Variants in KCNH2 observed in about 807,000 individuals in gnomAD.
KCNH2 encodes potassium voltage-gated channel subfamily H member 2.
Under a neutral mutation model 95.9 loss-of-function variants are expected in KCNH2, and 35 were observed. The ratio of observed to expected loss-of-function variants is 0.37; its 90% confidence interval spans 0.28 to 0.48. The LOEUF is 0.48. KCNH2 is among the 20% of genes least tolerant of loss of function. KCNH2 has a pLI of 0.99. For missense variants in KCNH2, 1,274 were observed against 1,702.9 expected, an observed-to-expected ratio of 0.75 and a Z score of 4.43; for synonymous variants, 786 against 754.7, an observed-to-expected ratio of 1.04 and a Z score of -0.68.
At position 150,955,879 on chromosome 7, in the gene KCNH2, GCCCC is replaced by G. The variant is rs1801359329; in HGVS notation, c.1128+1408_1128+1411del. 3 of 869,928 alleles carry G rather than the reference GCCCC, an allele frequency of 3.4e-6. No homozygotes were observed. In the African/African-American group the frequency reaches 1.2e-4, roughly 36 times the overall value. 53.9% of individuals were successfully genotyped at this position (869,928 alleles called of 1,614,324 possible). On this transcript the variant is annotated intron_variant, in intron 5 of 14. Coordinates refer to ENST00000262186, the MANE Select transcript of KCNH2 (RefSeq NM_000238.4). ...CCACCCCGCCACACTAGGCTCCCCC[GCCCC>G]GCCGGTGCCCAGCCAGCGGCCCCCT...
At chr7:150,969,627 A>C (rs574162231) in intron 2 of KCNH2, among the ~76,000 whole-genome samples, 1 of 152,174 alleles carries the variant, frequency 6.6e-6, no homozygotes, top group Admixed American at 6.5e-5. Context: ...TGCCCACCCC[A>C]TTCATTCATT....
rs1042514657 is a variant in KCNH2 at position 150,945,170 on chromosome 7, G to GCCCTGC, written c.*189_*194dup. The GCCCTGC allele has an allele frequency of 1.9e-5, 12 of 643,948 alleles. No homozygotes were observed. In the African/African-American group the frequency reaches 2.0e-4, roughly 11 times the overall value. The allele number at this position is 643,948 out of a possible 1,614,324, so 39.9% of individuals were successfully genotyped here. On this transcript the variant is annotated 3_prime_UTR_variant, in exon 15 of 15. Transcript: ENST00000262186. This position sits in a 1 kb window ranked among gnomAD's most constrained non-coding sequence, Gnocchi z 5.6. ...GGACCACAGGCCCCACCTACTGCCG[G>GCCCTGC]CCCTGCCCCTGCCCCTCTCACTGGG...
chr7:150,961,543 G>C lies in KCNH2; in HGVS notation c.308-1807C>G, dbSNP rs1332959714. Among the ~76,000 whole-genome samples the C allele has an allele frequency of 6.6e-6, 1 of 151,978 alleles. No homozygotes were observed. The highest frequency in any genetic ancestry group is 1.5e-5 in the Non-Finnish European group (1 of 67,996). On this transcript the variant is annotated intron_variant, in intron 2 of 14. Transcript: ENST00000262186. This position sits in a 1 kb window ranked among gnomAD's most constrained non-coding sequence, Gnocchi z 6.2. ...TCAAACTCCTGGCCTCAAGTGATCTGCCTGCCTCGGCCTCCCAAAGTGCAA... is the reference window on the plus strand; with the variant it reads ...TCAAACTCCTGGCCTCAAGTGATCTCCCTGCCTCGGCCTCCCAAAGTGCAA...
rs1563177140 is a variant in KCNH2, at chr7:150,962,985, G to A, written c.308-3249C>T. On this transcript the variant is annotated intron_variant, in intron 2 of 14. Transcript: ENST00000262186. The surrounding 1 kb of genome is among the most constrained non-coding windows in gnomAD (Gnocchi z 5.7). ...ACCACTGGCTGGGTTATGGGGGGAT[G>A]GGAGTCCCTTCACTTGCCCCAGTGC... Among the ~76,000 whole-genome samples the A allele has an allele frequency of 6.6e-6, 1 of 152,188 alleles. No homozygotes were observed.
At chr7:150,970,595 C>T (rs575974241) in intron 2 of KCNH2, among the ~76,000 whole-genome samples, 40 of 152,300 alleles carry the variant, frequency 2.6e-4, no homozygotes, top group African/African-American at 9.6e-4. Flanking sequence ...CTCCAACAGG[C>T]CTCTGATCCA....
In KCNH2 at chr7:150,952,344, C is replaced by A. The variant is rs1801205993; in HGVS notation, c.1557+81G>T. 3.7e-6 allele frequency: 5 copies of A among 1,368,976 alleles called. No individual in the cohort carries two copies. The South Asian group carries it at 6.1e-5, about 17-fold the overall frequency. 84.8% of individuals were successfully genotyped at this position (1,368,976 alleles called of 1,614,324 possible). ...TCTCTCTTTTTCTCTGTCCTCCTCG[C>A]CACCCCCTCCACCCCACTACCTCCC... On this transcript the variant is annotated intron_variant, in intron 6 of 14. Coordinates refer to ENST00000262186, the MANE Select transcript of KCNH2 (RefSeq NM_000238.4). This position sits in a 1 kb window ranked among gnomAD's most constrained non-coding sequence, Gnocchi z 7.3.
Position 150,949,119 on chromosome 7 carries a change from C to T in KCNH2, c.2399-70G>A, listed in dbSNP as rs530479329. 555 of 1,420,734 alleles carry T rather than the reference C, an allele frequency of 3.9e-4. 2 individuals are homozygous for T. In the South Asian group the frequency reaches 5.5e-3, roughly 14 times the overall value. The allele number at this position is 1,420,734 out of a possible 1,614,324, so 88.0% of individuals were successfully genotyped here. A position where few individuals can be genotyped will look rare whatever the true frequency, so the allele number is the denominator to read the frequency against. Reference sequence around the variant, plus strand: ...CATCCAGGCAGCAGGCACCTTCTCCCGGCATCCCCACCCCGGGCAGAGCAT... The same window carrying T: ...CATCCAGGCAGCAGGCACCTTCTCCTGGCATCCCCACCCCGGGCAGAGCAT... On this transcript the variant is annotated intron_variant, in intron 9 of 14. Transcript: ENST00000262186.
At chr7:150,951,280 A>G (rs1001618150) in intron 7 of KCNH2, 160 bp from the exon 8 acceptor site, 1 of 1,038,432 alleles carries the variant, frequency 9.6e-7, no homozygotes, top group Non-Finnish European at 1.4e-6. Context: ...CCCACCCTTC[A>G]GTAGTCCCCG....
rs1468357994 is a variant in KCNH2, at chr7:150,952,902, C to T, written c.1129-49G>A. 4.4e-6 allele frequency: 7 copies of T among 1,578,676 alleles called. No individual in the cohort carries two copies. Among genetic ancestry groups the T allele is most frequent in the South Asian group, 4.4e-5 (4 of 90,260 alleles). ...GTGGGTGAGGCAGGCCATGGGACCT[C>T]GGGGGCAGGAGCGATGACATCTCTG... On this transcript the variant is annotated intron_variant, in intron 5 of 14. Coordinates refer to ENST00000262186, the MANE Select transcript of KCNH2 (RefSeq NM_000238.4). This position sits in a 1 kb window ranked among gnomAD's most constrained non-coding sequence, Gnocchi z 7.3.
chr7:150,947,160 C>T (rs1409620109), intron 13 of KCNH2, 106 bp from the exon 14 acceptor site: 1 of 1,130,246 alleles, frequency 8.8e-7, no homozygotes, highest in African/African-American at 1.5e-5. Flanking sequence ...CCTGTCAACC[C>T]AGGCCCTCCG....
At chr7:150,948,417 C>CCCCCCAACAA in intron 11 of KCNH2, 27 bp downstream of exon 11, 3 of 1,038,862 alleles carry the variant, frequency 2.9e-6, no homozygotes, top group Non-Finnish European at 4.4e-6. Flanking sequence ...TCCCCGCCCT[C>CCCCCCAACAA]CCCCTTCCTC....
At chr7:150,950,521 C>A in intron 8 of KCNH2, 101 bp from the exon 9 acceptor site, 1 of 1,455,938 alleles carries the variant, frequency 6.9e-7, no homozygotes, top group South Asian at 1.3e-5. Context: ...GAAATCTCAA[C>A]CTCCAGGCCT....
intron 2 of KCNH2, among the ~76,000 whole-genome samples, chr7:150,974,433 A>G (rs1801915734): frequency 6.6e-6 from 1 of 151,676 alleles, no homozygotes; most frequent in South Asian, 2.1e-4. Flanking sequence ...CTGCCCAGGG[A>G]AAAAAAGGAC....
Position 150,945,446 on chromosome 7 carries a change from T to C in KCNH2, c.3399A>G (p.Thr1133=), listed in dbSNP as rs746102465. The C allele has an allele frequency of 5.7e-6, 9 of 1,565,904 alleles. No individual in the cohort carries two copies. In the Middle Eastern group the frequency reaches 5.0e-4, roughly 87 times the overall value. ...GAPELPQEGP[T]RRLSLPGQLG... is the part of the protein sequence containing the mutation. Reference sequence around the variant, plus strand: ...GCTGGCCCGGTAGGGAGAGGCGTCGTGTGGGGCCTTCTTGGGGAAGCTCTG... The same window carrying C: ...GCTGGCCCGGTAGGGAGAGGCGTCGCGTGGGGCCTTCTTGGGGAAGCTCTG... The change falls in exon 15 of 15, where the codon ACA becomes ACG. Residue 1133 remains threonine, a synonymous_variant. Transcript: ENST00000262186. This position sits in a 1 kb window ranked among gnomAD's most constrained non-coding sequence, Gnocchi z 5.6.
At chr7:150,975,330 A>G (rs1801955059) in intron 1 of KCNH2, among the ~76,000 whole-genome samples, 1 of 152,202 alleles carries the variant, frequency 6.6e-6, no homozygotes, top group Admixed American at 6.5e-5. Context: ...AAGGCCAGAG[A>G]TGGCGGCCAG....
intron 9 of KCNH2, chr7:150,949,655 C>A: frequency 8.9e-7 from 1 of 1,127,906 alleles, no homozygotes; most frequent in South Asian, 2.2e-5. Flanking sequence ...CACACAGGGC[C>A]GAGGGAAGGA....
rs1265589275 is a variant in KCNH2 at position 150,955,283 on chromosome 7, G to A, written c.1128+2008C>T. ...AGGGCCAGGCCCCACGGCTCCCAAA[G>A]CTTCCTACTTCCCAGCAGCCCTCTC... is the stretch of plus-strand genomic sequence containing the variant. On this transcript the variant is annotated intron_variant, in intron 5 of 14. Coordinates refer to ENST00000262186, the MANE Select transcript of KCNH2 (RefSeq NM_000238.4). The A allele has an allele frequency of 9.0e-6, 10 of 1,109,154 alleles. No individual in the cohort carries two copies. In the South Asian group the frequency reaches 1.1e-4, roughly 12 times the overall value. 68.7% of individuals were successfully genotyped at this position (1,109,154 alleles called of 1,614,324 possible).
rs1292419338 is a variant in KCNH2, at chr7:150,948,937, G to A, written c.2511C>T (p.Asp837=). The stretch of plus-strand genomic sequence containing the variant: ...GGTACATGTCCAGCACCTCCAGCAG[G>A]TCGTCCCGATGGATCTTGTGTAGGT... ...YCDLHKIHRD[D]LLEVLDMYPE... Residue 837 remains aspartate (D), a synonymous_variant, in exon 10 of 15, where the codon GAC becomes GAT. Transcript: ENST00000262186. 1 of 1,614,208 alleles carries A rather than the reference G, an allele frequency of 6.2e-7. No homozygotes were observed. The highest frequency in any genetic ancestry group is 1.7e-5 in the Admixed American group (1 of 60,026).
At chr7:150,968,949 G>C (rs981090663) in intron 2 of KCNH2, among the ~76,000 whole-genome samples, 1 of 152,224 alleles carries the variant, frequency 6.6e-6, no homozygotes, top group African/African-American at 2.4e-5. Context: ...CTTTGTGGGT[G>C]TCTGTCATCT....
Sources: gnomAD v4.1 joint callset for allele counts (sites outside exome capture counted in the v4.1 genomes callset) on GRCh38, gnomAD v4.1.1 for gene constraint, Gnocchi (gnomAD v3.1) non-coding constraint, MANE v1.5 for transcripts, NCBI Gene and HGNC (gene_info 2026-07-23, HGNC 2026-07-21) for gene names.